The following NRG1 variants were observed in gnomAD, a reference collection of about 807,000 sequenced individuals.
NRG1 encodes pro-neuregulin-1, membrane-bound isoform.
NRG1 carries 18 observed loss-of-function variants against 63.8 expected under a neutral mutation model. The observed-to-expected ratio is 0.28, with a 90% CI of 0.19 to 0.42. The LOEUF is 0.42. Among genes scored for constraint, NRG1 ranks in the 10% least tolerant of loss-of-function variants. The pLI is 1.00. For synonymous variants in NRG1, 302 were observed against 301.3 expected, an observed-to-expected ratio of 1.00 and a Z score of -0.02; for missense variants, 762 against 814.7, an observed-to-expected ratio of 0.94 and a Z score of 0.79.
At chr8:32,701,099 C>G (rs1242074894) in intron 5 of NRG1, among the ~76,000 whole-genome samples, 1 of 152,226 alleles carries the variant, frequency 6.6e-6, no homozygotes, top group East Asian at 1.9e-4. Flanking sequence ...TTCCAGAAGT[C>G]GGGTCCTGTT....
At chr8:31,706,561 C>T (rs894869963) in intron 1 of NRG1, among the ~76,000 whole-genome samples, 2 of 151,970 alleles carry the variant, frequency 1.3e-5, no homozygotes, top group African/African-American at 4.8e-5. Flanking sequence ...GATAATTTCC[C>T]AGTATTGGAA....
intron 1 of NRG1, among the ~76,000 whole-genome samples, chr8:31,730,085 A>G (rs1813869375): frequency 6.6e-6 from 1 of 152,162 alleles, no homozygotes; most frequent in Non-Finnish European, 1.5e-5. Context: ...AACTGATTTT[A>G]CCAGGAAGAA....
At chr8:32,001,245 T>C (rs955152012) in intron 1 of NRG1, among the ~76,000 whole-genome samples, 9 of 152,026 alleles carry the variant, frequency 5.9e-5, no homozygotes, top group Non-Finnish European at 1.3e-4. Flanking sequence ...AGGGACCCAG[T>C]GGGAGATAAT....
intron 1 of NRG1, among the ~76,000 whole-genome samples, chr8:32,228,454 CGTGA>C (rs1257288299): frequency 2.0e-5 from 3 of 152,094 alleles, no homozygotes; most frequent in South Asian, 2.1e-4. Flanking sequence ...TCAATAGTAG[CGTGA>C]GTATCTGGTT....
chr8:31,720,711 G>A (rs575366435), intron 1 of NRG1, among the ~76,000 whole-genome samples: 25 of 152,288 alleles, frequency 1.6e-4, no homozygotes, highest in African/African-American at 5.1e-4. Flanking sequence ...TTCAAGAAAC[G>A]AAAGAAAGTC....
intron 5 of NRG1, among the ~76,000 whole-genome samples, chr8:32,660,699 T>C (rs1802640050): frequency 6.6e-6 from 1 of 152,222 alleles, no homozygotes; most frequent in Admixed American, 6.5e-5. Flanking sequence ...GAACTATCTG[T>C]GCCCCGATTT....
chr8:31,862,039 G>C (rs2129610516), intron 1 of NRG1, among the ~76,000 whole-genome samples: 1 of 152,236 alleles, frequency 6.6e-6, no homozygotes, highest in East Asian at 1.9e-4. Flanking sequence ...CTGGAGTTGG[G>C]TTTCATCTCT....
At chr8:32,616,885 T>A in exon 5 of NRG1, 1 of 1,579,688 alleles carries the variant, frequency 6.3e-7, no homozygotes, top group Non-Finnish European at 8.7e-7. Flanking sequence ...TACTTCTTCA[T>A]GTAAGTATAC....
chr8:32,734,063 G>T (rs1485359890), intron 6 of NRG1, among the ~76,000 whole-genome samples: 1 of 152,152 alleles, frequency 6.6e-6, no homozygotes, highest in African/African-American at 2.4e-5. Context: ...TAGCTAACAG[G>T]GAGCCATAGT....
intron 1 of NRG1, among the ~76,000 whole-genome samples, chr8:31,810,683 C>A (rs550220510): frequency 6.6e-6 from 1 of 152,158 alleles, no homozygotes; most frequent in African/African-American, 2.4e-5. Flanking sequence ...CCCTCTTTAT[C>A]CCTTTTCCCT....
At chr8:32,309,918 C>G (rs958543352) in intron 1 of NRG1, among the ~76,000 whole-genome samples, 6 of 152,230 alleles carry the variant, frequency 3.9e-5, no homozygotes, top group African/African-American at 1.4e-4. Context: ...TAAGTCCACC[C>G]TAGTTCTGTC....
intron 1 of NRG1, among the ~76,000 whole-genome samples, chr8:32,201,794 T>C (rs1318763177): frequency 1.3e-5 from 2 of 152,200 alleles, no homozygotes; most frequent in Non-Finnish European, 2.9e-5. Flanking sequence ...CTCAACTGCA[T>C]ATAGGACCAT....
intron 1 of NRG1, among the ~76,000 whole-genome samples, chr8:31,674,886 T>G (rs1229919357): frequency 6.6e-6 from 1 of 152,224 alleles, no homozygotes; most frequent in Non-Finnish European, 1.5e-5. Context: ...ATTTACCTTG[T>G]ACTGTGGGGT....
chr8:31,926,472 A>T (rs536696882), intron 1 of NRG1, among the ~76,000 whole-genome samples: 3 of 152,262 alleles, frequency 2.0e-5, no homozygotes, highest in African/African-American at 7.2e-5. Context: ...TATAGTTGTT[A>T]TAAGTACTAG....
At chr8:32,113,668 T>C (rs1426161327) in intron 1 of NRG1, among the ~76,000 whole-genome samples, 2 of 152,216 alleles carry the variant, frequency 1.3e-5, no homozygotes, top group African/African-American at 4.8e-5. Flanking sequence ...AACAAATTTG[T>C]CTAAGGCAGT....
intron 1 of NRG1, among the ~76,000 whole-genome samples, chr8:32,180,345 C>A (rs889577383): frequency 5.3e-5 from 8 of 152,110 alleles, no homozygotes; most frequent in African/African-American, 1.9e-4. Flanking sequence ...GCCATAGACT[C>A]CTTTGGCATT....
intron 1 of NRG1, among the ~76,000 whole-genome samples, chr8:32,023,986 G>T (rs577889592): frequency 1.3e-5 from 2 of 152,294 alleles, no homozygotes; most frequent in South Asian, 4.1e-4. Context: ...GCAGGAGGCA[G>T]AAGAGAGCAC....
intron 1 of NRG1, among the ~76,000 whole-genome samples, chr8:31,818,660 C>A (rs1479443082): frequency 6.6e-6 from 1 of 152,186 alleles, no homozygotes; most frequent in Non-Finnish European, 1.5e-5. Flanking sequence ...AGGTAATACT[C>A]GCTCACCTGC....
intron 1 of NRG1, among the ~76,000 whole-genome samples, chr8:31,780,644 G>T (rs978713913): frequency 6.6e-6 from 1 of 152,126 alleles, no homozygotes; most frequent in Non-Finnish European, 1.5e-5. Context: ...ATTAGCAAAG[G>T]TTCCTGCCAT....
Sources: allele counts gnomAD v4.1 joint callset (sites outside exome capture counted in the v4.1 genomes callset), GRCh38; gene constraint gnomAD v4.1.1; transcripts MANE v1.5; gene names NCBI Gene and HGNC (gene_info 2026-07-23, HGNC 2026-07-21).